Variants in SCARA3 observed in about 807,000 individuals in gnomAD.
SCARA3 encodes the protein scavenger receptor class A member 3.
Under a neutral mutation model 47.0 loss-of-function variants are expected in SCARA3, and 39 were observed. The ratio of observed to expected loss-of-function variants is 0.83; its 90% CI spans 0.64 to 1.08. The LOEUF is 1.08. Ranked by LOEUF, SCARA3 falls within the 50% of genes least tolerant of loss-of-function variation. The pLI, the probability that SCARA3 is intolerant of heterozygous loss-of-function variation, is 0.00. For synonymous variants in SCARA3, 356 were observed against 334.1 expected, an observed-to-expected ratio of 1.07 and a Z score of -0.71; for missense variants, 724 against 792.3, an observed-to-expected ratio of 0.91 and a Z score of 1.04.
intron 1 of SCARA3, 44 bp from the exon 2 acceptor site, chr8:27,649,658 G>A (rs758711942): frequency 3.8e-6 from 6 of 1,571,374 alleles, no homozygotes; most frequent in Non-Finnish European, 4.4e-6. Flanking sequence ...CTGCTGGAGA[G>A]GCCTGGGATG....
intron 1 of SCARA3, among the ~76,000 whole-genome samples, chr8:27,647,964 C>T (rs1438308226): frequency 1.3e-5 from 2 of 152,178 alleles, no homozygotes; most frequent in Admixed American, 6.5e-5. Context: ...GTCTAGGATG[C>T]GGCTCAAGAT....
rs180885872 is a variant in SCARA3 at position 27,671,410 on chromosome 8, A to C, written c.*59A>C. Reference sequence around the variant, plus strand: ...TGCCGGAGGGGCGCAGAGCAGATCCAGGCCCCAGAAAGCCTCACCTACAGA... The same window carrying C: ...TGCCGGAGGGGCGCAGAGCAGATCCCGGCCCCAGAAAGCCTCACCTACAGA... On this transcript the variant is annotated 3_prime_UTR_variant, in exon 6 of 6. Transcript: ENST00000301904. 7.4e-7 allele frequency: 1 copy of C among 1,349,814 alleles called. No individual in the cohort carries two copies. The highest frequency in any genetic ancestry group is 3.0e-5 in the East Asian group (1 of 33,560). The allele number at this position is 1,349,814 out of a possible 1,614,324, so 83.6% of individuals were successfully genotyped here. A position where few individuals can be genotyped will look rare whatever the true frequency, so the allele number is the denominator to read the frequency against.
At position 27,658,914 on chromosome 8, in the gene SCARA3, C is replaced by T; in HGVS notation, c.744C>T (p.Leu248=). ...QRKTDEETLT[L]QKIVTDWQNY... Reference sequence around the variant, plus strand: ...AGACAGACGAGGAGACCCTGACCCTCCAGAAGATTGTCACCGACTGGCAGA... The same window carrying T: ...AGACAGACGAGGAGACCCTGACCCTTCAGAAGATTGTCACCGACTGGCAGA... The change falls in exon 5 of 6, where the codon CTC becomes CTT. Residue 248 remains leucine (L), a synonymous_variant. Transcript: ENST00000301904. 1.2e-6 allele frequency: 2 copies of T among 1,614,102 alleles called. No individual in the cohort carries two copies. Among genetic ancestry groups the T allele is most frequent in the South Asian group, 1.1e-5 (1 of 91,078 alleles).
chr8:27,683,322 G>T, the SCARA3 span, among the ~76,000 whole-genome samples: 1 of 152,176 alleles, frequency 6.6e-6, no homozygotes, highest in Non-Finnish European at 1.5e-5. Context: ...ATCTTCTGAG[G>T]TGAGAGAAAT....
At chr8:27,723,370 G>A in the SCARA3 span, among the ~76,000 whole-genome samples, 2 of 152,120 alleles carry the variant, frequency 1.3e-5, no homozygotes, top group Non-Finnish European at 2.9e-5. Flanking sequence ...CTACAAAATT[G>A]TTCTAACTCT....
intron 5 of SCARA3, among the ~76,000 whole-genome samples, chr8:27,660,642 A>AGAT (rs1379683727): frequency 3.4e-5 from 5 of 148,704 alleles, no homozygotes; most frequent in African/African-American, 1.2e-4. Context: ...ATAGATAGAT[A>AGAT]GATAGATAGA....
rs574351629 is a variant in SCARA3 at position 27,671,682 on chromosome 8, G to A, written c.*331G>A. On this transcript the variant is annotated 3_prime_UTR_variant, in exon 6 of 6. Transcript: ENST00000301904. ...CGCACACACACATGCACACATACAC[G>A]TGCACACATACACAGGCACACATGC... 1.9e-4 allele frequency: 201 copies of A among 1,070,294 alleles called. 1 individual carries two copies. Among genetic ancestry groups the A allele is most frequent in the Admixed American group, 2.1e-4 (4 of 19,356 alleles). 66.3% of individuals were successfully genotyped at this position (1,070,294 alleles called of 1,614,324 possible).
Position 27,655,830 on chromosome 8 carries a change from G to A in SCARA3, c.227-952G>A, listed in dbSNP as rs189306110. Reference sequence around the variant, plus strand: ...ATACCAAAAGTAGTGATTTTAAAGTGATTTAACCCTGGATGGAAAAATGTC... The same window carrying A: ...ATACCAAAAGTAGTGATTTTAAAGTAATTTAACCCTGGATGGAAAAATGTC... On this transcript the variant is annotated intron_variant, in intron 3 of 5. Coordinates refer to ENST00000301904, the MANE Select transcript of SCARA3 (RefSeq NM_016240.3). Among the ~76,000 whole-genome samples the A allele has an allele frequency of 3.3e-5, 5 of 152,272 alleles. No homozygotes were observed. In the East Asian group the frequency reaches 9.6e-4, roughly 29 times the overall value.
chr8:27,684,533 A>G, the SCARA3 span, among the ~76,000 whole-genome samples: 1 of 152,116 alleles, frequency 6.6e-6, no homozygotes, highest in Non-Finnish European at 1.5e-5. Flanking sequence ...AAAAATAATA[A>G]TAATTTGCTA....
chr8:27,710,098 T>C, the SCARA3 span, among the ~76,000 whole-genome samples: 1 of 152,060 alleles, frequency 6.6e-6, no homozygotes, highest in South Asian at 2.1e-4. Context: ...GGTGTGGTGG[T>C]GCATGCCTGT....
chr8:27,645,494 G>A lies in SCARA3; in HGVS notation c.8-4208G>A, dbSNP rs528633137. Reference sequence around the variant, plus strand: ...CCAGTTCTGAGGCGTTTCTGAGATGGGCATGTGCAACTCTGCAGACACTCA... The same window carrying A: ...CCAGTTCTGAGGCGTTTCTGAGATGAGCATGTGCAACTCTGCAGACACTCA... On this transcript the variant is annotated intron_variant, in intron 1 of 5. Transcript: ENST00000301904. Among the ~76,000 whole-genome samples the A allele has an allele frequency of 4.6e-5, 7 of 152,352 alleles. 1 individual carries two copies. In the South Asian group the frequency reaches 1.2e-3, roughly 27 times the overall value.
the SCARA3 span, among the ~76,000 whole-genome samples, chr8:27,711,859 TC>T: frequency 6.6e-6 from 1 of 152,010 alleles, no homozygotes; most frequent in Non-Finnish European, 1.5e-5. Context: ...ATTATTAACC[TC>T]CCCCACCACA....
chr8:27,707,630 A>G, the SCARA3 span, among the ~76,000 whole-genome samples: 8 of 152,088 alleles, frequency 5.3e-5, no homozygotes, highest in Non-Finnish European at 1.0e-4. Context: ...GAAATTCCAG[A>G]AAGAGAGAGA....
chr8:27,683,019 AC>A, the SCARA3 span, among the ~76,000 whole-genome samples: 1 of 152,194 alleles, frequency 6.6e-6, no homozygotes, highest in African/African-American at 2.4e-5. Flanking sequence ...AACTAAAAAA[AC>A]AAAAAACAAA....
At chr8:27,665,204 T>C (rs945850819) in intron 5 of SCARA3, among the ~76,000 whole-genome samples, 1 of 152,264 alleles carries the variant, frequency 6.6e-6, no homozygotes, top group African/African-American at 2.4e-5. Context: ...TGATGTGCTC[T>C]GGATCTTTAG....
intron 5 of SCARA3, among the ~76,000 whole-genome samples, chr8:27,666,874 A>G (rs1802027870): frequency 2.0e-5 from 3 of 151,734 alleles, no homozygotes; most frequent in South Asian, 4.2e-4. Flanking sequence ...ATGGTCCCAG[A>G]CGTGAGGTCA....
At chr8:27,674,300 T>A (rs947894255), downstream of SCARA3, among the ~76,000 whole-genome samples, 1 of 152,008 alleles carries the variant, frequency 6.6e-6, no homozygotes, top group African/African-American at 2.4e-5. Flanking sequence ...CACCTCAGAG[T>A]GGGTGATTGA....
the SCARA3 span, among the ~76,000 whole-genome samples, chr8:27,720,777 C>T: frequency 6.6e-6 from 1 of 151,936 alleles, no homozygotes; most frequent in Non-Finnish European, 1.5e-5. Flanking sequence ...TCCACCCACC[C>T]CTCTATTCAT....
chr8:27,673,873 G>A (rs1333463137), downstream of SCARA3, among the ~76,000 whole-genome samples: 1 of 152,210 alleles, frequency 6.6e-6, no homozygotes, highest in Non-Finnish European at 1.5e-5. Flanking sequence ...AACTGTGAGA[G>A]CTGGGAGGGA....
Sources: gnomAD v4.1 joint callset for allele counts (sites outside exome capture counted in the v4.1 genomes callset) on GRCh38, gnomAD v4.1.1 for gene constraint, MANE v1.5 for transcripts, NCBI Gene and HGNC (gene_info 2026-07-23, HGNC 2026-07-21) for gene names.